Variants in S100Z observed in about 807,000 individuals in gnomAD.
The protein encoded by S100Z is S100 calcium binding protein Z.
S100Z carries 11 observed loss-of-function variants against 8.5 expected under a neutral mutation model. That is an observed-to-expected ratio of 1.30 (90% CI 0.82 to 2.15). The LOEUF is 2.15. Among genes scored for constraint, S100Z ranks in the 30% most tolerant of loss-of-function variants. The pLI is 0.00. For synonymous variants in S100Z, 34 were observed against 43.8 expected (o/e 0.78, Z 0.89); for missense variants, 126 against 117.9 (o/e 1.07, Z -0.32).
chr5:76,910,326 A>G (rs1744604952), intron 4 of S100Z, among the ~76,000 whole-genome samples: 1 of 152,144 alleles, frequency 6.6e-6, no homozygotes, highest in Non-Finnish European at 1.5e-5. Flanking sequence ...CTGGGCCCTG[A>G]ACAAAATCTG....
chr5:76,898,198 T>C (rs551862357), intron 4 of S100Z, among the ~76,000 whole-genome samples: 1 of 152,024 alleles, frequency 6.6e-6, no homozygotes, highest in African/African-American at 2.4e-5. Flanking sequence ...TTGCCCAGGC[T>C]GGCATGCAAT....
chr5:76,855,097 T>TGAAAGGATGTAAG (rs548707255), intron 1 of S100Z, among the ~76,000 whole-genome samples: 55 of 152,296 alleles, frequency 3.6e-4, no homozygotes, highest in Admixed American at 1.2e-3. Flanking sequence ...TGCACAGATT[T>TGAAAGGATGTAAG]GAAAGGATGT....
intron 4 of S100Z, among the ~76,000 whole-genome samples, chr5:76,879,755 CA>C (rs1168799319): frequency 6.6e-6 from 1 of 152,004 alleles, no homozygotes; most frequent in African/African-American, 2.4e-5. Flanking sequence ...GAGGCATGGC[CA>C]GGGAGAAAGA....
the S100Z span, among the ~76,000 whole-genome samples, chr5:76,948,142 A>G: frequency 6.7e-6 from 1 of 149,698 alleles, no homozygotes; most frequent in African/African-American, 2.5e-5. Flanking sequence ...CATGGCCAAC[A>G]AGGTGACACC....
chr5:76,936,114 C>T, the S100Z span, among the ~76,000 whole-genome samples: 2 of 151,790 alleles, frequency 1.3e-5, no homozygotes, highest in East Asian at 1.9e-4. Flanking sequence ...AGTTTGATTA[C>T]AATAGTAAAT....
At chr5:76,930,434 G>A in the S100Z span, among the ~76,000 whole-genome samples, 1 of 152,196 alleles carries the variant, frequency 6.6e-6, no homozygotes, top group Admixed American at 6.5e-5. Flanking sequence ...ACTGAACTTA[G>A]GTCTCAAGCA....
At chr5:76,904,957 A>G (rs1440280940) in intron 4 of S100Z, among the ~76,000 whole-genome samples, 2 of 152,206 alleles carry the variant, frequency 1.3e-5, no homozygotes, top group Admixed American at 1.3e-4. Context: ...GTATCAGGAA[A>G]TATTTGCCTA....
rs1226228077 is a variant in S100Z at position 76,906,974 on chromosome 5, G to GTGTA, written c.*3-13741_*3-13738dup. On this transcript the variant is annotated intron_variant, in intron 4 of 4. Coordinates refer to ENST00000317593, the MANE Select transcript of S100Z (RefSeq NM_130772.4). ...GGCTGAATAGTATTCCATTGTGTGT[G>GTGTA]TGTATATATATATATATATATATAT... 7.8e-5 allele frequency among the ~76,000 whole-genome samples: 9 copies of GTGTA among 114,712 alleles called. 1 individual carries two copies. Among genetic ancestry groups the GTGTA allele is most frequent in the Admixed American group, 7.2e-4 (9 of 12,448 alleles). 75.3% of individuals were successfully genotyped at this position (114,712 alleles called of 152,430 possible).
intron 4 of S100Z, among the ~76,000 whole-genome samples, chr5:76,914,771 G>GAACA (rs1744798245): frequency 6.6e-6 from 1 of 151,642 alleles, no homozygotes; most frequent in African/African-American, 2.4e-5. Context: ...CCACTGGAAG[G>GAACA]AACAAACAAC....
At chr5:76,902,139 G>A (rs1347860525) in intron 4 of S100Z, among the ~76,000 whole-genome samples, 2 of 151,992 alleles carry the variant, frequency 1.3e-5, no homozygotes, top group Non-Finnish European at 1.5e-5. Flanking sequence ...CAGAAGGAAG[G>A]GGGTCTCTTT....
chr5:76,878,487 T>C (rs901606756), intron 4 of S100Z, among the ~76,000 whole-genome samples: 56 of 152,198 alleles, frequency 3.7e-4, no homozygotes, highest in Admixed American at 1.7e-3. Flanking sequence ...TGAGCCTCGG[T>C]AGGCCCCAAG....
Position 76,915,145 on chromosome 5 carries a change from A to T in S100Z, c.*3-5572A>T, listed in dbSNP as rs1239633621. 2.6e-5 allele frequency among the ~76,000 whole-genome samples: 4 copies of T among 151,870 alleles called. No individual in the cohort carries two copies. In the East Asian group the frequency reaches 7.7e-4, roughly 29 times the overall value. Reference sequence around the variant, plus strand: ...ACAGTGAAACCCCGTCTCTACTGAAAATACAAAAACATTAGCCGAGCATGG... The same window carrying T: ...ACAGTGAAACCCCGTCTCTACTGAATATACAAAAACATTAGCCGAGCATGG... On this transcript the variant is annotated intron_variant, in intron 4 of 4. Coordinates refer to ENST00000317593, the MANE Select transcript of S100Z (RefSeq NM_130772.4).
rs189459512 is a variant in S100Z at position 76,882,514 on chromosome 5, T to A, written c.*2+4680T>A. Among the ~76,000 whole-genome samples the A allele has an allele frequency of 2.8e-3, 424 of 152,308 alleles. 3 individuals are homozygous for A. The highest frequency in any genetic ancestry group is 5.3e-3 in the Non-Finnish European group (362 of 68,022). ...TCAGCTAGGTTTCCTTTTGTGAGTT[T>A]ATATAATGGTTTTGTTAGGATGGCA... On this transcript the variant is annotated intron_variant, in intron 4 of 4. Transcript: ENST00000317593.
intron 4 of S100Z, among the ~76,000 whole-genome samples, chr5:76,890,198 A>AT (rs1743808829): frequency 6.6e-6 from 1 of 151,892 alleles, no homozygotes. Flanking sequence ...TAATTTTTAT[A>AT]TTTTTAGTAG....
intron 4 of S100Z, among the ~76,000 whole-genome samples, chr5:76,880,104 A>T (rs544258123): frequency 6.6e-6 from 1 of 152,326 alleles, no homozygotes; most frequent in East Asian, 1.9e-4. Flanking sequence ...CTCACAAAGT[A>T]CATTCTCAAG....
chr5:76,870,850 G>A (rs537170757), intron 2 of S100Z, among the ~76,000 whole-genome samples: 3 of 152,242 alleles, frequency 2.0e-5, no homozygotes, highest in Non-Finnish European at 2.9e-5. Flanking sequence ...GGCTGGGCAC[G>A]CTGGCTCACA....
At chr5:76,864,854 G>A (rs945166377) in intron 1 of S100Z, among the ~76,000 whole-genome samples, 2 of 151,980 alleles carry the variant, frequency 1.3e-5, no homozygotes, top group South Asian at 2.1e-4. Context: ...GACTACAGTC[G>A]CACATCACCA....
At chr5:76,948,582 T>G in the S100Z span, among the ~76,000 whole-genome samples, 297 of 152,080 alleles carry the variant, frequency 2.0e-3, 2 homozygotes, top group African/African-American at 6.8e-3. Context: ...GAAAAGATGC[T>G]CAATATCACC....
chr5:76,929,475 A>G, the S100Z span, among the ~76,000 whole-genome samples: 1 of 152,196 alleles, frequency 6.6e-6, no homozygotes, highest in Non-Finnish European at 1.5e-5. Flanking sequence ...AATTAAAAGC[A>G]TTGTTTCCAA....
Sources: allele counts gnomAD v4.1 joint callset (sites outside exome capture counted in the v4.1 genomes callset), GRCh38; gene constraint gnomAD v4.1.1; transcripts MANE v1.5; gene names NCBI Gene and HGNC (gene_info 2026-07-23, HGNC 2026-07-21).